CCDC183: variants seen among roughly 807,000 people sequenced by gnomAD.
CCDC183 encodes the protein coiled-coil domain-containing protein 183.
Under a neutral mutation model 65.2 loss-of-function variants are expected in CCDC183, and 63 were observed. That is an observed-to-expected ratio of 0.97 (90% CI 0.79 to 1.19). CCDC183 has a LOEUF of 1.19. CCDC183 is among the 50% of genes most tolerant of loss of function. CCDC183 has a pLI of 0.00. For missense variants in CCDC183, 769 were observed against 689.3 expected (o/e 1.12, Z -1.30); for synonymous variants, 323 against 276.5 (o/e 1.17, Z -1.67).
At chr9:136,800,224 G>A in intron 4 of CCDC183, 55 bp downstream of exon 4, 1 of 1,387,394 alleles carries the variant, frequency 7.2e-7, no homozygotes, top group South Asian at 1.4e-5. Context: ...AAGACTCACG[G>A]GAGGGGCGGG....
chr9:136,807,374 G>A (rs1391454463), intron 13 of CCDC183, 198 bp from the exon 14 acceptor site: 2 of 744,584 alleles, frequency 2.7e-6, no homozygotes, highest in South Asian at 1.9e-5. Context: ...AGCTTCCACT[G>A]GGGGTTCTGC....
At chr9:136,805,734 CAA>C in intron 9 of CCDC183, 1 of 548,812 alleles carries the variant, frequency 1.8e-6, no homozygotes, top group African/African-American at 1.9e-5. Flanking sequence ...ACAAGTGACT[CAA>C]GTGACACAAC....
rs761458596 is a variant in CCDC183 at position 136,806,675 on chromosome 9, A to T, written c.1278+3A>T. ...GCATTAACTTGCCTGCGACCCAGGT[A>T]CCGGGAGTGAGGCTGAGCTGCCACA... is the stretch of plus-strand genomic sequence containing the variant. On this transcript the variant is annotated splice_donor_region_variant and intron_variant, in intron 11 of 13. Transcript: ENST00000338005. 6 of 1,613,234 alleles carry T rather than the reference A, an allele frequency of 3.7e-6. No individual in the cohort carries two copies. Among genetic ancestry groups the T allele is most frequent in the Non-Finnish European group, 5.1e-6 (6 of 1,179,978 alleles).
At chr9:136,802,564 G>A in intron 5 of CCDC183, 100 bp from the exon 6 acceptor site, 1 of 1,486,904 alleles carries the variant, frequency 6.7e-7, no homozygotes, top group Non-Finnish European at 9.0e-7. Context: ...CCACAGAGGA[G>A]AACCTATCAC....
At position 136,803,182 on chromosome 9, in the gene CCDC183, GAT is replaced by G. The variant is rs1564350118; in HGVS notation, c.666+397_666+398del. On this transcript the variant is annotated intron_variant, in intron 6 of 13. Transcript: ENST00000338005. The stretch of plus-strand genomic sequence containing the variant: ...CAGGGCCAGCCCTCTTGGATCTTCG[GAT>G]GGGGTCAAGGTGAGCTCAGGGCCCA... Among the ~76,000 whole-genome samples the G allele has an allele frequency of 5.0e-3, 213 of 43,016 alleles. 27 individuals are homozygous for G. The highest frequency in any genetic ancestry group is 0.013 in the Middle Eastern group (1 of 78). The allele number at this position is 43,016 out of a possible 152,430, so 28.2% of individuals were successfully genotyped here. A position where few individuals can be genotyped will look rare whatever the true frequency, so the allele number is the denominator to read the frequency against.
intron 3 of CCDC183, 51 bp downstream of exon 3, chr9:136,799,841 C>CA (rs1191299413): frequency 1.2e-5 from 19 of 1,537,060 alleles, no homozygotes; most frequent in African/African-American, 2.7e-5. Flanking sequence ...CCCCTGCCAG[C>CA]ACCCCCCCAC....
intron 8 of CCDC183, 38 bp from the exon 9 acceptor site, chr9:136,805,319 C>G (rs780661888): frequency 1.3e-6 from 2 of 1,549,718 alleles, no homozygotes; most frequent in South Asian, 2.3e-5. Flanking sequence ...CCTGAGCCAT[C>G]CCTGCATGCT....
At chr9:136,806,428 G>C (rs908201319) in intron 10 of CCDC183, 76 bp from the exon 11 acceptor site, 9 of 1,579,372 alleles carry the variant, frequency 5.7e-6, no homozygotes, top group Middle Eastern at 1.7e-4. Context: ...CCCAACTCAG[G>C]ACTGGGCTCC....
chr9:136,806,631 C>T lies in CCDC183; in HGVS notation c.1237C>T (p.Leu413Phe), dbSNP rs765344951. Residue 413 changes from leucine to phenylalanine, a missense_variant, in exon 11 of 14, where the codon CTC (leucine) becomes TTC (phenylalanine). Physicochemically the swap from Leu to Phe is conservative, Grantham distance 22. Transcript: ENST00000338005. ...GACCATCCAGATGGGCATCGACAAC[C>T]TCTATGTCCGGCTGATGGGCATTAA... ...LLTIQMGIDN[L>F]YVRLMGINLP... 1.2e-6 allele frequency: 2 copies of T among 1,613,740 alleles called. No individual in the cohort carries two copies. Among genetic ancestry groups the T allele is most frequent in the Non-Finnish European group, 8.5e-7 (1 of 1,180,002 alleles).
chr9:136,803,214 TGGGGGCCCCCCAGGGCCAGCC>T (rs1847773722), intron 6 of CCDC183, among the ~76,000 whole-genome samples: 175 of 7,454 alleles, frequency 0.023, 13 homozygotes, highest in African/African-American at 0.064. Context: ...GGCCCAGGGC[TGGGGGCCCCCCAGGGCCAGCC>T]CTCTTGGATC....
chr9:136,802,746 T>C lies in CCDC183; in HGVS notation c.626T>C (p.Ile209Thr), dbSNP rs1293390142. ...NYCSELSDMK[I>T]MSQDAMMITD... ...TGCTCAGAGCTGTCGGATATGAAGA[T>C]CATGTCCCAAGATGCCATGATGATC... is the stretch of plus-strand genomic sequence containing the variant. The change falls in exon 6 of 14, where the codon ATC becomes ACC. Residue 209 changes from isoleucine (I) to threonine (T), a missense_variant. Coordinates refer to ENST00000338005, the MANE Select transcript of CCDC183 (RefSeq NM_001039374.5). 3.1e-6 allele frequency: 5 copies of C among 1,613,410 alleles called. No homozygotes were observed. The Admixed American group carries it at 8.3e-5, about 27-fold the overall frequency.
At position 136,806,840 on chromosome 9, in the gene CCDC183, A is replaced by G. The variant is rs199765919; in HGVS notation, c.1362A>G (p.Arg454=). 7 of 1,613,550 alleles carry G rather than the reference A, an allele frequency of 4.3e-6. No individual in the cohort carries two copies. In the East Asian group the frequency reaches 1.1e-4, roughly 26 times the overall value. ...CEGKLTYLAD[R]VQMVSRTEEG... ...GGAAGCTCACGTACCTGGCTGACAG[A>G]GTGCAGATGGTGTCCAGGACCGAGG... Residue 454 remains arginine (R), a synonymous_variant, in exon 12 of 14, where the codon AGA becomes AGG. Coordinates refer to ENST00000338005, the MANE Select transcript of CCDC183 (RefSeq NM_001039374.5).
chr9:136,802,753 C>T lies in CCDC183; in HGVS notation c.633C>T (p.Ser211=), dbSNP rs777717010. Residue 211 remains serine, a synonymous_variant, in exon 6 of 14, where the codon TCC becomes TCT. Transcript: ENST00000338005. ...AGCTGTCGGATATGAAGATCATGTCCCAAGATGCCATGATGATCACGGATG... is the reference window on the plus strand; with the variant it reads ...AGCTGTCGGATATGAAGATCATGTCTCAAGATGCCATGATGATCACGGATG... ...CSELSDMKIM[S]QDAMMITDEV... is the part of the protein sequence containing the mutation. 5.0e-6 allele frequency: 8 copies of T among 1,613,130 alleles called. No individual in the cohort carries two copies. The Admixed American group carries it at 6.7e-5, about 13-fold the overall frequency.
chr9:136,806,235 T>C lies in CCDC183; in HGVS notation c.1106T>C (p.Ile369Thr), dbSNP rs1745221463. Reference protein sequence around the residue: ...VLKFRQKPSSISFKSVEKKMT... With the variant: ...VLKFRQKPSSTSFKSVEKKMT... The stretch of plus-strand genomic sequence containing the variant: ...AAGTTCCGCCAGAAGCCTAGCTCCA[T>C]CAGGTGCCCCGGGCTTCCGGGGCTG... Residue 369 changes from isoleucine to threonine, a missense_variant, in exon 10 of 14, where the codon ATC becomes ACC. Ile to Thr is a moderately conservative substitution (Grantham distance 89). Coordinates refer to ENST00000338005, the MANE Select transcript of CCDC183 (RefSeq NM_001039374.5). 1 of 1,590,952 alleles carries C rather than the reference T, an allele frequency of 6.3e-7. No homozygotes were observed. Among genetic ancestry groups the C allele is most frequent in the Admixed American group, 1.7e-5 (1 of 57,236 alleles).
rs1336077636 is a variant in CCDC183 at position 136,799,086 on chromosome 9, C to G, written c.71-16C>G. ...GGCCCAATCCTAGCCACTGTGTCCC[C>G]TCCACCTGCCCACAGAGCAGTGTCG... On this transcript the variant is annotated splice_polypyrimidine_tract_variant and intron_variant, in intron 1 of 13. Transcript: ENST00000338005. The G allele has an allele frequency of 1.2e-6, 2 of 1,612,648 alleles. No homozygotes were observed. The highest frequency in any genetic ancestry group is 1.7e-6 in the Non-Finnish European group (2 of 1,179,580).
At position 136,807,655 on chromosome 9, in the gene CCDC183, G is replaced by A. The variant is rs1370705088; in HGVS notation, c.1570G>A (p.Gly524Arg). Reference protein sequence around the residue: ...IKRQAQRLIEGKLKAAKKKKK With the variant: ...IKRQAQRLIERKLKAAKKKKK ...GAGGCAGGCGCAGCGGCTAATCGAG[G>A]GGAAGCTCAAGGCGGCCAAGAAAAA... Residue 524 changes from glycine (G) to arginine (R), a missense_variant, in exon 14 of 14, where the codon GGG becomes AGG. Transcript: ENST00000338005. The A allele has an allele frequency of 3.1e-6, 5 of 1,604,748 alleles. No homozygotes were observed. The highest frequency in any genetic ancestry group is 2.7e-5 in the African/African-American group (2 of 74,614).
chr9:136,806,553 G>A lies in CCDC183; in HGVS notation c.1159G>A (p.Glu387Lys), dbSNP rs757151034. ...KMTDMLKEEEERLQLAHSNMT... is the reference protein window; with the variant it reads ...KMTDMLKEEEKRLQLAHSNMT... Reference sequence around the variant, plus strand: ...GACAGACATGCTAAAAGAGGAAGAAGAGAGGCTCCAGCTGGCGCACAGCAA... The same window carrying A: ...GACAGACATGCTAAAAGAGGAAGAAAAGAGGCTCCAGCTGGCGCACAGCAA... The change falls in exon 11 of 14, where the codon GAG (glutamate) becomes AAG (lysine). Residue 387 changes from glutamate to lysine, a missense_variant. Transcript: ENST00000338005. 6 of 1,613,670 alleles carry A rather than the reference G, an allele frequency of 3.7e-6. No individual in the cohort carries two copies. The highest frequency in any genetic ancestry group is 3.3e-5 in the Admixed American group (2 of 60,030).
chr9:136,799,836 G>A, intron 3 of CCDC183, 46 bp downstream of exon 3: 1 of 1,537,384 alleles, frequency 6.5e-7, no homozygotes, highest in South Asian at 1.1e-5. Flanking sequence ...CCCCACCCCT[G>A]CCAGCACCCC....
intron 5 of CCDC183, 51 bp downstream of exon 5, chr9:136,800,544 G>A: frequency 7.3e-7 from 1 of 1,368,278 alleles, no homozygotes; most frequent in Non-Finnish European, 1.0e-6. Flanking sequence ...GGATCTGGGA[G>A]GGGCGGGAGC....
Sources: allele counts gnomAD v4.1 joint callset (sites outside exome capture counted in the v4.1 genomes callset), GRCh38; gene constraint gnomAD v4.1.1; transcripts MANE v1.5; gene names NCBI Gene and HGNC (gene_info 2026-07-23, HGNC 2026-07-21).